SAMTOR: variants seen among roughly 807,000 people sequenced by gnomAD.
SAMTOR encodes the protein UPF0532 protein C7orf60.
At chr7:112,822,460 A>G in the SAMTOR span, 1 of 1,079,200 alleles carries the variant, frequency 9.3e-7, no homozygotes, top group South Asian at 1.6e-5. Context: ...CATTTCACAT[A>G]TCATAGTAAT....
At chr7:112,909,851 A>G in the SAMTOR span, among the ~76,000 whole-genome samples, 4 of 150,950 alleles carry the variant, frequency 2.6e-5, no homozygotes, top group African/African-American at 9.7e-5. Context: ...ATTTGATTGA[A>G]TATTTATATA....
chr7:112,925,599 TC>T, the SAMTOR span, among the ~76,000 whole-genome samples: 1 of 152,020 alleles, frequency 6.6e-6, no homozygotes, highest in Non-Finnish European at 1.5e-5. Flanking sequence ...TTTGAGACCA[TC>T]CTGACAAACA....
chr7:112,865,288 C>T, the SAMTOR span, among the ~76,000 whole-genome samples: 13 of 150,962 alleles, frequency 8.6e-5, no homozygotes, highest in African/African-American at 3.2e-4. Flanking sequence ...CCATCTCTCT[C>T]TTTTTTTTGA....
At chr7:112,930,659 C>A in the SAMTOR span, among the ~76,000 whole-genome samples, 1 of 152,060 alleles carries the variant, frequency 6.6e-6, no homozygotes, top group Non-Finnish European at 1.5e-5. Context: ...AGCAGTATAG[C>A]TACAGATAAA....
At chr7:112,874,097 G>A in the SAMTOR span, among the ~76,000 whole-genome samples, 9 of 152,114 alleles carry the variant, frequency 5.9e-5, no homozygotes, top group African/African-American at 1.9e-4. Context: ...CATTGTTGGT[G>A]GGAATGTAAA....
At chr7:112,879,506 T>C in the SAMTOR span, among the ~76,000 whole-genome samples, 1 of 152,076 alleles carries the variant, frequency 6.6e-6, no homozygotes, top group Non-Finnish European at 1.5e-5. Flanking sequence ...GGAAGGAGAA[T>C]ACAGAAGTTG....
At chr7:112,846,889 T>C in the SAMTOR span, among the ~76,000 whole-genome samples, 3 of 152,206 alleles carry the variant, frequency 2.0e-5, no homozygotes, top group Admixed American at 1.3e-4. Flanking sequence ...TGAATAAAAT[T>C]AAACTGAATT....
chr7:112,871,492 T>C, the SAMTOR span, among the ~76,000 whole-genome samples: 55 of 152,116 alleles, frequency 3.6e-4, no homozygotes, highest in African/African-American at 1.3e-3. Context: ...AAACACAACA[T>C]ACCAAAACCT....
At chr7:112,844,971 A>G in the SAMTOR span, among the ~76,000 whole-genome samples, 1 of 152,180 alleles carries the variant, frequency 6.6e-6, no homozygotes. Flanking sequence ...TTTTTGACAA[A>G]GCTGACAAAA....
chr7:112,840,917 T>C, the SAMTOR span, among the ~76,000 whole-genome samples: 1 of 149,970 alleles, frequency 6.7e-6, no homozygotes, highest in Middle Eastern at 3.4e-3. Context: ...AAACTAGGTA[T>C]TGGTGGAACA....
the SAMTOR span, chr7:112,821,518 A>G: frequency 2.5e-5 from 10 of 396,416 alleles, no homozygotes; most frequent in African/African-American, 2.1e-4. Flanking sequence ...ATGCTAAAGT[A>G]ACAGTAGTTT....
the SAMTOR span, among the ~76,000 whole-genome samples, chr7:112,905,450 AT>A: frequency 6.6e-6 from 1 of 152,288 alleles, no homozygotes; most frequent in East Asian, 1.9e-4. Flanking sequence ...TTCCAAATTC[AT>A]TTTCAGGGAG....
chr7:112,854,514 T>C, the SAMTOR span, among the ~76,000 whole-genome samples: 51 of 152,312 alleles, frequency 3.3e-4, no homozygotes, highest in African/African-American at 1.2e-3. Flanking sequence ...TAATGATTTA[T>C]ATCTGAAAAA....
chr7:112,918,727 G>A, the SAMTOR span, among the ~76,000 whole-genome samples: 1 of 152,122 alleles, frequency 6.6e-6, no homozygotes, highest in Non-Finnish European at 1.5e-5. Flanking sequence ...GACACACATA[G>A]GCTCAAAATA....
chr7:112,834,312 G>T, the SAMTOR span, among the ~76,000 whole-genome samples: 1 of 151,072 alleles, frequency 6.6e-6, no homozygotes, highest in African/African-American at 2.4e-5. Context: ...ATCTTTTGTT[G>T]GAGTTATATT....
At chr7:112,900,050 T>A in the SAMTOR span, among the ~76,000 whole-genome samples, 1 of 152,124 alleles carries the variant, frequency 6.6e-6, no homozygotes, top group Admixed American at 6.5e-5. Context: ...TCTAAAACTG[T>A]AATTGTAGTG....
the SAMTOR span, among the ~76,000 whole-genome samples, chr7:112,921,962 TCCC>T: frequency 6.6e-6 from 1 of 151,202 alleles, no homozygotes; most frequent in South Asian, 2.1e-4. Flanking sequence ...CCTCTCCCTC[TCCC>T]TCTCCCGCTC....
chr7:112,936,376 T>C, the SAMTOR span, among the ~76,000 whole-genome samples: 1 of 152,068 alleles, frequency 6.6e-6, no homozygotes, highest in African/African-American at 2.4e-5. Context: ...TTTAGACAAA[T>C]TGGCACAGCA....
the SAMTOR span, among the ~76,000 whole-genome samples, chr7:112,884,744 A>T: frequency 6.6e-6 from 1 of 152,166 alleles, no homozygotes; most frequent in African/African-American, 2.4e-5. Flanking sequence ...TTCCAGGTGC[A>T]CAATGCAAGC....
Sources: allele counts gnomAD v4.1 joint callset (sites outside exome capture counted in the v4.1 genomes callset), GRCh38; gene constraint gnomAD v4.1.1; transcripts MANE v1.5; gene names NCBI Gene and HGNC (gene_info 2026-07-23, HGNC 2026-07-21).